The following UPP2 variants were observed in gnomAD, a reference collection of about 807,000 sequenced individuals.
The protein encoded by UPP2 is uridine phosphorylase 2.
A neutral mutation model predicts 26.7 loss-of-function variants in UPP2; 23 were observed. The observed-to-expected ratio is 0.86, with a 90% CI of 0.62 to 1.22. The LOEUF (loss-of-function observed/expected upper bound fraction) is 1.22, where lower values mean the gene tolerates loss of function less well. Ranked by LOEUF, UPP2 falls within the 50% of genes most tolerant of loss-of-function variation. UPP2 has a pLI of 0.00. For missense variants in UPP2, 387 were observed against 396.7 expected (o/e 0.98, Z 0.21); for synonymous variants, 127 against 141.3 (o/e 0.90, Z 0.72).
chr2:158,115,391 G>T (rs1683408251), intron 3 of UPP2, 132 bp downstream of exon 3: 2 of 1,143,918 alleles, frequency 1.7e-6, no homozygotes, highest in Non-Finnish European at 2.3e-6. Context: ...CCAGGTATGA[G>T]TTCATTATTG....
chr2:158,001,495 T>A lies in UPP2; in HGVS notation c.61+6236T>A, dbSNP rs145046539. 8.2e-3 allele frequency among the ~76,000 whole-genome samples: 1,242 copies of A among 152,206 alleles called. 16 individuals are homozygous for A. Among genetic ancestry groups the A allele is most frequent in the African/African-American group, 0.028 (1,175 of 41,498 alleles). On this transcript the variant is annotated intron_variant, in intron 2 of 9. Transcript: ENST00000605860. ...ATTCTACCCTCTTTCTGATCTCCAA[T>A]GCTCCCCATGGGGTGAATCCAATAA... is the stretch of plus-strand genomic sequence containing the variant.
chr2:158,058,399 TCTCTCTCTCTCC>T (rs765388617), intron 3 of UPP2, among the ~76,000 whole-genome samples: 1,821 of 103,752 alleles, frequency 0.018, 53 homozygotes, highest in African/African-American at 0.066. Flanking sequence ...TCTCTCTCTC[TCTCTCTCTCTCC>T]CCCCAACCTG....
chr2:158,060,686 T>TG (rs923153687), intron 3 of UPP2, among the ~76,000 whole-genome samples: 1 of 152,108 alleles, frequency 6.6e-6, no homozygotes, highest in African/African-American at 2.4e-5. Flanking sequence ...ATGAAACCTT[T>TG]GGGAGGTAAT....
At chr2:158,059,909 C>A (rs1290246205) in intron 3 of UPP2, among the ~76,000 whole-genome samples, 1 of 152,160 alleles carries the variant, frequency 6.6e-6, no homozygotes, top group African/African-American at 2.4e-5. Flanking sequence ...TCAAAATTCC[C>A]ATTTTCTGAG....
At chr2:158,125,644 T>C (rs1683677504) in intron 6 of UPP2, among the ~76,000 whole-genome samples, 1 of 152,158 alleles carries the variant, frequency 6.6e-6, no homozygotes, top group Non-Finnish European at 1.5e-5. Flanking sequence ...GGTCTTGAAC[T>C]CCTGACATCA....
At chr2:158,026,151 GC>G (rs1309690683) in intron 3 of UPP2, among the ~76,000 whole-genome samples, 1 of 152,120 alleles carries the variant, frequency 6.6e-6, no homozygotes, top group Non-Finnish European at 1.5e-5. Context: ...ACCTGAGGCG[GC>G]CTGGTTTCTT....
intron 2 of UPP2, among the ~76,000 whole-genome samples, chr2:157,997,399 TA>T (rs1295597193): frequency 1.3e-5 from 2 of 152,214 alleles, no homozygotes; most frequent in East Asian, 1.9e-4. Flanking sequence ...TGGATGTTAA[TA>T]TTTTTTTGGA....
chr2:158,104,251 C>T (rs1157048234), intron 1 of UPP2, among the ~76,000 whole-genome samples: 1 of 152,022 alleles, frequency 6.6e-6, no homozygotes, highest in African/African-American at 2.4e-5. Context: ...AAAATTAATA[C>T]TGATCAAGGA....
In UPP2 at chr2:158,123,790, G is replaced by GA. The variant is rs759424183; in HGVS notation, c.713dup (p.Leu239ValfsTer9). ...TGGAGCACTGTGCTCCTTTTCCAGA[G>GA]AAAAAAAGTTAGACTACTTGAAGAG... is the stretch of plus-strand genomic sequence containing the variant. On this transcript the variant is annotated frameshift_variant, in exon 6 of 7. Coordinates refer to ENST00000005756, the MANE Select transcript of UPP2 (RefSeq NM_173355.4). LOFTEE classifies it high-confidence loss of function. 1 of 1,613,946 alleles carries GA rather than the reference G, an allele frequency of 6.2e-7. No individual in the cohort carries two copies. Among genetic ancestry groups the GA allele is most frequent in the South Asian group, 1.1e-5 (1 of 91,078 alleles).
chr2:158,107,613 T>A (rs1371617465), intron 2 of UPP2, among the ~76,000 whole-genome samples: 1 of 151,830 alleles, frequency 6.6e-6, no homozygotes, highest in Non-Finnish European at 1.5e-5. Flanking sequence ...AGGAAGAGGT[T>A]GGAGGCAGAG....
chr2:158,040,505 T>C (rs900008348), intron 3 of UPP2, among the ~76,000 whole-genome samples: 1 of 152,250 alleles, frequency 6.6e-6, no homozygotes, highest in African/African-American at 2.4e-5. Flanking sequence ...CTGAGTGCTA[T>C]TTTTATCTTA....
chr2:158,132,260 A>G (rs1333852132), intron 6 of UPP2, among the ~76,000 whole-genome samples: 1 of 152,204 alleles, frequency 6.6e-6, no homozygotes, highest in Non-Finnish European at 1.5e-5. Flanking sequence ...CACGTCACTG[A>G]ACAAGAGGGT....
chr2:158,119,558 C>T (rs1361419712), intron 4 of UPP2, among the ~76,000 whole-genome samples: 1 of 152,010 alleles, frequency 6.6e-6, no homozygotes, highest in East Asian at 1.9e-4. Context: ...AGTATGTTGA[C>T]CTTTGAGAAA....
intron 6 of UPP2, chr2:158,126,743 T>C (rs1193238852): frequency 6.6e-6 from 1 of 152,196 alleles, no homozygotes; most frequent in Non-Finnish European, 1.5e-5. Flanking sequence ...GGACAGCTGC[T>C]GAAACAGAGG....
chr2:158,009,242 T>C (rs1683539888), intron 2 of UPP2, among the ~76,000 whole-genome samples: 1 of 152,228 alleles, frequency 6.6e-6, no homozygotes, highest in Non-Finnish European at 1.5e-5. Context: ...AGCATGTACA[T>C]TCTGAATTAC....
At chr2:158,024,156 T>C (rs1467989200) in intron 3 of UPP2, among the ~76,000 whole-genome samples, 2 of 152,168 alleles carry the variant, frequency 1.3e-5, no homozygotes, top group African/African-American at 2.4e-5. Flanking sequence ...TACCCAGGAA[T>C]GCGGATATAG....
intron 2 of UPP2, 44 bp downstream of exon 2, chr2:158,106,260 T>G (rs775846418): frequency 6.4e-7 from 1 of 1,561,096 alleles, no homozygotes; most frequent in Non-Finnish European, 8.8e-7. Context: ...GAGTTTTCTC[T>G]ACTAATTTTT....
At chr2:158,034,696 GA>G (rs1264277405) in intron 3 of UPP2, among the ~76,000 whole-genome samples, 23 of 152,310 alleles carry the variant, frequency 1.5e-4, no homozygotes, top group African/African-American at 4.6e-4. Flanking sequence ...GAATGAAAAG[GA>G]AGAGATTGTT....
At chr2:158,083,872 T>C (rs1475801883) in intron 3 of UPP2, among the ~76,000 whole-genome samples, 1 of 148,816 alleles carries the variant, frequency 6.7e-6, no homozygotes, top group African/African-American at 2.5e-5. Context: ...GTTTTTTATA[T>C]ATATATATAT....
Sources: allele counts gnomAD v4.1 joint callset (sites outside exome capture counted in the v4.1 genomes callset), GRCh38; gene constraint gnomAD v4.1.1; transcripts MANE v1.5; gene names NCBI Gene and HGNC (gene_info 2026-07-23, HGNC 2026-07-21).